GNS: variants seen among roughly 807,000 people sequenced by gnomAD.
GNS encodes the protein glucosamine (N-acetyl)-6-sulfatase.
GNS carries 40 observed loss-of-function variants against 69.7 expected under a neutral mutation model. That is an observed-to-expected ratio of 0.57 (90% CI 0.45 to 0.75). GNS has a LOEUF of 0.75. Ranked by LOEUF, GNS falls within the 30% of genes least tolerant of loss-of-function variation. The pLI is 0.00. For synonymous variants in GNS, 243 were observed against 251.6 expected (o/e 0.97, Z 0.32); for missense variants, 565 against 685.5 (o/e 0.82, Z 1.96).
intron 12 of GNS, among the ~76,000 whole-genome samples, 159 bp from the exon 13 acceptor site, chr12:64,720,341 A>G (rs1868987501): frequency 6.6e-6 from 1 of 152,060 alleles, no homozygotes; most frequent in African/African-American, 2.4e-5. Context: ...AAGATCCTCA[A>G]AGAGCTCACT....
intron 7 of GNS, 133 bp from the exon 8 acceptor site, chr12:64,739,632 C>T (rs567371926): frequency 3.1e-6 from 2 of 643,546 alleles, no homozygotes; most frequent in East Asian, 2.7e-5. Context: ...CAAAACAACC[C>T]CCGTTTAAAA....
intron 1 of GNS, among the ~76,000 whole-genome samples, chr12:64,755,823 C>T (rs1483865798): frequency 6.6e-6 from 1 of 151,310 alleles, no homozygotes; most frequent in African/African-American, 2.4e-5. Context: ...GGACTACAGG[C>T]ACGCACCACC....
At chr12:64,727,500 A>G (rs1869243586) in intron 10 of GNS, among the ~76,000 whole-genome samples, 1 of 152,148 alleles carries the variant, frequency 6.6e-6, no homozygotes, top group African/African-American at 2.4e-5. Context: ...AACAGCCCAA[A>G]TATCTGATGA....
At chr12:64,754,793 G>A (rs1445111355) in intron 1 of GNS, among the ~76,000 whole-genome samples, 1 of 151,970 alleles carries the variant, frequency 6.6e-6, no homozygotes, top group African/African-American at 2.4e-5. Flanking sequence ...AGAGGCTGAG[G>A]TGGGAGGATT....
At chr12:64,745,825 C>T in intron 3 of GNS, 101 bp from the exon 4 acceptor site, 2 of 766,532 alleles carry the variant, frequency 2.6e-6, no homozygotes, top group Non-Finnish European at 4.7e-6. Flanking sequence ...GTGCCTGAAA[C>T]ATAGTAGGTA....
intron 1 of GNS, among the ~76,000 whole-genome samples, chr12:64,756,973 G>A (rs191728612): frequency 6.6e-6 from 1 of 152,288 alleles, no homozygotes; most frequent in East Asian, 1.9e-4. Flanking sequence ...GAGTCCAGGA[G>A]TTCAAGACCG....
rs545485190 is a variant in GNS, at chr12:64,759,403, A to T, written c.-127T>A. ...GCCTTGAAGGCCGGTGGCTGGAGTC[A>T]GACGTTTTCTCCCTAGGCGCGATCA... is the stretch of plus-strand genomic sequence containing the variant. On this transcript the variant is annotated 5_prime_UTR_variant, in exon 1 of 14. Transcript: ENST00000258145. 9.2e-6 allele frequency: 6 copies of T among 653,712 alleles called. No homozygotes were observed. Among genetic ancestry groups the T allele is most frequent in the Middle Eastern group, 8.4e-4 (2 of 2,384 alleles). 40.5% of individuals were successfully genotyped at this position (653,712 alleles called of 1,614,324 possible). A position where few individuals can be genotyped will look rare whatever the true frequency, so the allele number is the denominator to read the frequency against.
intron 9 of GNS, among the ~76,000 whole-genome samples, chr12:64,729,837 C>T (rs542416457): frequency 3.5e-4 from 54 of 152,264 alleles, no homozygotes; most frequent in African/African-American, 1.3e-3. Context: ...ACAGGTAAAA[C>T]TGTATATATT....
Position 64,722,087 on chromosome 12 carries a change from C to T in GNS, c.1309-382G>A, listed in dbSNP as rs137979473. On this transcript the variant is annotated intron_variant, in intron 11 of 13. Transcript: ENST00000258145. ...TCGTGCAGGCTAGAGTGCAGTCGTG[C>T]GATCTCAGCTCACTGCAACCTCCAC... 2.8e-4 allele frequency among the ~76,000 whole-genome samples: 43 copies of T among 151,336 alleles called. 1 individual carries two copies. The East Asian group carries it at 7.6e-3, about 27-fold the overall frequency.
chr12:64,759,377 T>G lies in GNS; in HGVS notation c.-101A>C. On this transcript the variant is annotated 5_prime_UTR_variant, in exon 1 of 14. Coordinates refer to ENST00000258145, the MANE Select transcript of GNS (RefSeq NM_002076.4). ...GACCAGCCGAAGGAATAAAAAGCCGTGCCTTGAAGGCCGGTGGCTGGAGTC... is the reference window on the plus strand; with the variant it reads ...GACCAGCCGAAGGAATAAAAAGCCGGGCCTTGAAGGCCGGTGGCTGGAGTC... 1 of 788,910 alleles carries G rather than the reference T, an allele frequency of 1.3e-6. No individual in the cohort carries two copies. The highest frequency in any genetic ancestry group is 2.7e-5 in the East Asian group (1 of 36,760). The allele number at this position is 788,910 out of a possible 1,614,324, so 48.9% of individuals were successfully genotyped here. A position where few individuals can be genotyped will look rare whatever the true frequency, so the allele number is the denominator to read the frequency against.
rs138025137 is a variant in GNS at position 64,756,562 on chromosome 12, G to A, written c.192+2523C>T. ...ATATTAGCTATATGAACTTAGTCAT[G>A]TCACTTAACCACCTTCCAGTTTTAG... is the stretch of plus-strand genomic sequence containing the variant. On this transcript the variant is annotated intron_variant, in intron 1 of 13. Transcript: ENST00000258145. 261 of 591,296 alleles carry A rather than the reference G, an allele frequency of 4.4e-4. 2 individuals carry two copies. In the East Asian group the frequency reaches 6.6e-3, roughly 15 times the overall value. The allele number at this position is 591,296 out of a possible 1,614,324, so 36.6% of individuals were successfully genotyped here.
At chr12:64,720,241 C>G in intron 12 of GNS, 59 bp from the exon 13 acceptor site, 1 of 1,122,820 alleles carries the variant, frequency 8.9e-7, no homozygotes, top group Non-Finnish European at 1.4e-6. Flanking sequence ...TGAAGAAATA[C>G]TCTTAACGTG....
Position 64,723,109 on chromosome 12 carries a change from C to T in GNS, c.1205G>A (p.Gly402Asp). The change falls in exon 11 of 14, where the codon GGT (glycine) becomes GAT (aspartate). Residue 402 changes from glycine to aspartate, a missense_variant. Physicochemically the swap from Gly to Asp is moderately conservative, Grantham distance 94. This residue lies in a region of GNS where 384 missense variants were observed against 511.0 expected (regional missense o/e 0.75). Coordinates refer to ENST00000258145, the MANE Select transcript of GNS (RefSeq NM_002076.4). ...TGATCGCCAGGTCAAGTTACTGGCA[C>T]CTCTCTAGAAAGAAGAGCAAGTGGA... ...DGMSLLPILR[G>D]ASNLTWRSDV... is the part of the protein sequence containing the mutation. The T allele has an allele frequency of 6.3e-7, 1 of 1,588,578 alleles. No homozygotes were observed. The highest frequency in any genetic ancestry group is 8.6e-7 in the Non-Finnish European group (1 of 1,156,706).
At chr12:64,757,293 C>T (rs115452687) in intron 1 of GNS, among the ~76,000 whole-genome samples, 110 of 152,282 alleles carry the variant, frequency 7.2e-4, no homozygotes, top group African/African-American at 2.5e-3. Flanking sequence ...CTCTGAATAC[C>T]TTATATTTAA....
At chr12:64,735,151 T>A (rs924572063) in intron 9 of GNS, among the ~76,000 whole-genome samples, 4 of 152,160 alleles carry the variant, frequency 2.6e-5, no homozygotes, top group African/African-American at 9.7e-5. Flanking sequence ...CTTGTTTGAT[T>A]GCTCCTTGCC....
intron 9 of GNS, among the ~76,000 whole-genome samples, chr12:64,731,966 A>G (rs1022556382): frequency 6.6e-6 from 1 of 151,960 alleles, no homozygotes; most frequent in Non-Finnish European, 1.5e-5. Context: ...ATTGGAACAG[A>G]AAAAGCTTTG....
chr12:64,731,959 G>A (rs573182148), intron 9 of GNS, among the ~76,000 whole-genome samples: 5 of 151,894 alleles, frequency 3.3e-5, no homozygotes, highest in Non-Finnish European at 7.4e-5. Flanking sequence ...TTTACGGATT[G>A]GAACAGAAAA....
intron 6 of GNS, among the ~76,000 whole-genome samples, chr12:64,742,114 G>T (rs146189242): frequency 6.6e-6 from 1 of 151,958 alleles, no homozygotes; most frequent in Non-Finnish European, 1.5e-5. Context: ...TCCGCCTCCC[G>T]GGTTCACGCC....
intron 1 of GNS, chr12:64,756,695 T>C (rs548799897): frequency 7.9e-6 from 11 of 1,386,614 alleles, no homozygotes; most frequent in Admixed American, 7.9e-5. Flanking sequence ...AGTTCTCAAA[T>C]GCTCTTGTCC....
Sources: allele counts gnomAD v4.1 joint callset (sites outside exome capture counted in the v4.1 genomes callset), GRCh38; gene constraint gnomAD v4.1.1; regional missense constraint gnomAD v4.1.1; transcripts MANE v1.5; gene names NCBI Gene and HGNC (gene_info 2026-07-23, HGNC 2026-07-21).